The following EFHB variants were observed in gnomAD, a reference collection of about 807,000 sequenced individuals.
EFHB encodes the protein EF-hand domain-containing family member B.
In EFHB, 91 loss-of-function variants were observed where a neutral mutation model predicts 87.2. That is an observed-to-expected ratio of 1.04 (90% CI 0.88 to 1.24). EFHB has a LOEUF of 1.24. Ranked by LOEUF, EFHB falls within the 50% of genes most tolerant of loss-of-function variation. The pLI is 0.00. For synonymous variants in EFHB, 325 were observed against 333.6 expected (o/e 0.97, Z 0.28); for missense variants, 1,084 against 998.8 (o/e 1.09, Z -1.15).
intron 1 of EFHB, among the ~76,000 whole-genome samples, chr3:19,923,129 T>C (rs1211596373): frequency 6.6e-6 from 1 of 151,988 alleles, no homozygotes; most frequent in Non-Finnish European, 1.5e-5. Flanking sequence ...TAGCCAGGCA[T>C]GGTGGCGCAT....
At chr3:19,906,020 T>A (rs1456614413) in intron 5 of EFHB, among the ~76,000 whole-genome samples, 1 of 152,150 alleles carries the variant, frequency 6.6e-6, no homozygotes, top group Non-Finnish European at 1.5e-5. Context: ...ATCAAAAAAC[T>A]GTTAGAACTA....
chr3:19,930,660 G>T (rs1695796816), intron 1 of EFHB, among the ~76,000 whole-genome samples: 1 of 152,172 alleles, frequency 6.6e-6, no homozygotes, highest in African/African-American at 2.4e-5. Context: ...AGACTGGAAT[G>T]CAGTGGTGTG....
In EFHB at chr3:19,941,782, G is replaced by A. The variant is rs144308208; in HGVS notation, c.-32+5137C>T. Among the ~76,000 whole-genome samples, 1,247 of 151,690 alleles carry A rather than the reference G, an allele frequency of 8.2e-3. 21 individuals are homozygous for A. Among genetic ancestry groups the A allele is most frequent in the African/African-American group, 0.029 (1,178 of 41,274 alleles). ...TGAGGCACAAGAATCGCTTGAACCC[G>A]GGAGGCAGAGGTTGCAGTGAGCCAA... is the stretch of plus-strand genomic sequence containing the variant. On this transcript the variant is annotated intron_variant, in intron 1 of 14. Coordinates refer to the EFHB transcript ENST00000344838.
At chr3:19,903,353 A>G (rs1351736139) in intron 6 of EFHB, among the ~76,000 whole-genome samples, 2 of 152,006 alleles carry the variant, frequency 1.3e-5, no homozygotes, top group East Asian at 3.9e-4. Flanking sequence ...TGCTCTTAGG[A>G]TGTTCTTGAG....
chr3:19,929,892 A>C (rs1358490434), intron 1 of EFHB, among the ~76,000 whole-genome samples: 1 of 152,210 alleles, frequency 6.6e-6, no homozygotes, highest in East Asian at 1.9e-4. Context: ...AAAAGTATAG[A>C]GTAACTAACA....
At chr3:19,898,429 T>C (rs1694556543) in intron 8 of EFHB, among the ~76,000 whole-genome samples, 1 of 152,216 alleles carries the variant, frequency 6.6e-6, no homozygotes, top group African/African-American at 2.4e-5. Context: ...CAGACCACAC[T>C]TTGAGACGTT....
intron 1 of EFHB, among the ~76,000 whole-genome samples, chr3:19,945,360 A>G (rs1185995636): frequency 2.0e-5 from 3 of 152,256 alleles, no homozygotes; most frequent in Admixed American, 6.5e-5. Flanking sequence ...GCTAAAATGT[A>G]AAGAATGGAC....
At chr3:19,889,450 C>G (rs937070468) in intron 9 of EFHB, among the ~76,000 whole-genome samples, 2 of 152,174 alleles carry the variant, frequency 1.3e-5, no homozygotes, top group African/African-American at 4.8e-5. Context: ...TTGGCCCCCT[C>G]AGAGAGACTT....
chr3:19,912,375 G>A lies in EFHB; in HGVS notation c.1288+2928C>T, dbSNP rs566442295. ...GCTGAAAATATCCTTCACACATGATGAAGAAATAAAGACTCTCACAGGCCA... is the reference window on the plus strand; with the variant it reads ...GCTGAAAATATCCTTCACACATGATAAAGAAATAAAGACTCTCACAGGCCA... On this transcript the variant is annotated intron_variant, in intron 5 of 12. Transcript: ENST00000295824. Among the ~76,000 whole-genome samples the A allele has an allele frequency of 3.3e-5, 5 of 152,054 alleles. No homozygotes were observed. In the South Asian group the frequency reaches 1.0e-3, roughly 32 times the overall value.
rs757699669 is a variant in EFHB at position 19,933,321 on chromosome 3, G to A, written c.698C>T (p.Ala233Val). ...TTCCACTCCTGATTCAATGTTTCCA[G>A]CCTCCTTTCTCTGTTCATGTTGTTG... ...FAQQHEQRKE[A>V]GNIESGVEPP... is the part of the protein sequence containing the mutation. The change falls in exon 1 of 13, where the codon GCT becomes GTT. Residue 233 changes from alanine to valine, a missense_variant. By Grantham distance (64) the Ala-to-Val change is moderately conservative. Coordinates refer to ENST00000295824, the MANE Select transcript of EFHB (RefSeq NM_144715.4). The A allele has an allele frequency of 5.6e-6, 9 of 1,613,968 alleles. No homozygotes were observed. The highest frequency in any genetic ancestry group is 1.7e-5 in the Admixed American group (1 of 60,018).
intron 1 of EFHB, among the ~76,000 whole-genome samples, chr3:19,929,182 A>G (rs556739610): frequency 6.2e-4 from 93 of 149,662 alleles, no homozygotes; most frequent in Admixed American, 9.5e-4. Context: ...ATATTCCAAT[A>G]CATATAAAAA....
At chr3:19,917,756 C>T (rs1282932437) in intron 4 of EFHB, among the ~76,000 whole-genome samples, 2 of 152,140 alleles carry the variant, frequency 1.3e-5, no homozygotes, top group African/African-American at 2.4e-5. Flanking sequence ...GCACTCTGCT[C>T]TGTATTTGGT....
chr3:19,930,928 T>C (rs762409183), intron 1 of EFHB, among the ~76,000 whole-genome samples: 1 of 151,836 alleles, frequency 6.6e-6, no homozygotes, highest in Non-Finnish European at 1.5e-5. Flanking sequence ...AGGTCAGGAG[T>C]AGGGGACCAG....
intron 12 of EFHB, among the ~76,000 whole-genome samples, chr3:19,880,422 T>C (rs2071646083): frequency 1.3e-5 from 2 of 151,942 alleles, no homozygotes; most frequent in Non-Finnish European, 1.5e-5. Context: ...GCCAATTTTT[T>C]TGTATTTGTA....
intron 9 of EFHB, chr3:19,895,007 T>TATATATATATATATATATAA (rs1453175560): frequency 4.1e-5 from 6 of 147,108 alleles, no homozygotes; most frequent in African/African-American, 1.5e-4. Flanking sequence ...TATGTATATA[T>TATATATATATATATATATAA]AAAAATATAT....
intron 6 of EFHB, among the ~76,000 whole-genome samples, chr3:19,901,994 G>T (rs992065980): frequency 1.3e-5 from 2 of 151,920 alleles, no homozygotes; most frequent in African/African-American, 4.8e-5. Flanking sequence ...TTAGGAACAT[G>T]CAGAGATGAT....
chr3:19,926,882 A>G (rs1171300016), intron 1 of EFHB, among the ~76,000 whole-genome samples: 1 of 139,612 alleles, frequency 7.2e-6, no homozygotes, highest in Non-Finnish European at 1.5e-5. Flanking sequence ...CTGGTCTCGA[A>G]CTCCCAACCT....
chr3:19,898,965 A>G, intron 7 of EFHB, 120 bp from the exon 8 acceptor site: 1 of 934,148 alleles, frequency 1.1e-6, no homozygotes. Context: ...AACTATGAAG[A>G]TCAAACAAAA....
chr3:19,918,216 T>TG lies in EFHB; in HGVS notation c.1177+15_1177+16insC. 6 of 814,610 alleles carry TG rather than the reference T, an allele frequency of 7.4e-6. No individual in the cohort carries two copies. The highest frequency in any genetic ancestry group is 1.0e-5 in the Non-Finnish European group (6 of 596,504). 50.5% of individuals were successfully genotyped at this position (814,610 alleles called of 1,614,324 possible). A position where few individuals can be genotyped will look rare whatever the true frequency, so the allele number is the denominator to read the frequency against. Reference sequence around the variant, plus strand: ...TTTACCAGCCCCTTCCCACCCCTTATTTTTTTTTTTACTACCTTTGATGAC... The same window carrying TG: ...TTTACCAGCCCCTTCCCACCCCTTATGTTTTTTTTTTACTACCTTTGATGAC... On this transcript the variant is annotated intron_variant, in intron 4 of 12. Coordinates refer to ENST00000295824, the MANE Select transcript of EFHB (RefSeq NM_144715.4).
Sources: allele counts gnomAD v4.1 joint callset (sites outside exome capture counted in the v4.1 genomes callset), GRCh38; gene constraint gnomAD v4.1.1; transcripts MANE v1.5; gene names NCBI Gene and HGNC (gene_info 2026-07-23, HGNC 2026-07-21).